Variants in GABRA5 observed in about 807,000 individuals in gnomAD.
GABRA5 encodes gamma-aminobutyric acid type A receptor subunit alpha5, also known as gamma-aminobutyric acid receptor subunit alpha-5.
Under a neutral mutation model 47.3 loss-of-function variants are expected in GABRA5, and 18 were observed. The ratio of observed to expected loss-of-function variants is 0.38; its 90% confidence interval spans 0.26 to 0.56. The LOEUF is 0.56. Among genes scored for constraint, GABRA5 ranks in the 20% least tolerant of loss-of-function variants. The probability of loss-of-function intolerance (pLI) is 0.71; values close to 1 mark genes in which losing one functional copy is unlikely to be tolerated. For missense variants in GABRA5, 365 were observed against 599.3 expected (o/e 0.61, Z 4.08); for synonymous variants, 237 against 229.3 (o/e 1.03, Z -0.30).
intron 8 of GABRA5, chr15:26,939,150 C>T (rs993224730): frequency 2.7e-6 from 2 of 740,332 alleles, no homozygotes; most frequent in African/African-American, 3.4e-5. Flanking sequence ...TCCCATCTCC[C>T]CAAGGTGAGG....
chr15:26,928,119 C>T (rs1311274621), intron 7 of GABRA5, among the ~76,000 whole-genome samples: 11 of 152,136 alleles, frequency 7.2e-5, no homozygotes, highest in Non-Finnish European at 1.6e-4. Flanking sequence ...CATGAGATGA[C>T]ATCTGGATTC....
chr15:26,930,187 A>G (rs1894065177), intron 7 of GABRA5, among the ~76,000 whole-genome samples: 1 of 151,500 alleles, frequency 6.6e-6, no homozygotes, highest in African/African-American at 2.4e-5. Context: ...TAATTTTTGT[A>G]TTTTTAGTAA....
intron 6 of GABRA5, among the ~76,000 whole-genome samples, chr15:26,904,704 G>A (rs757103027): frequency 3.3e-5 from 5 of 152,002 alleles, no homozygotes; most frequent in East Asian, 1.9e-4. Flanking sequence ...GTATTCCTAG[G>A]TATTTCATTC....
intron 6 of GABRA5, among the ~76,000 whole-genome samples, chr15:26,884,537 A>G (rs1466195758): frequency 6.6e-6 from 1 of 152,140 alleles, no homozygotes; most frequent in Non-Finnish European, 1.5e-5. Context: ...TTGCATAGGT[A>G]CTGGAATTTC....
At chr15:26,887,761 A>T (rs773893766) in intron 6 of GABRA5, among the ~76,000 whole-genome samples, 5 of 152,118 alleles carry the variant, frequency 3.3e-5, no homozygotes, top group East Asian at 1.9e-4. Flanking sequence ...AAATATATAT[A>T]TTTTTAAATT....
chr15:26,880,605 T>C (rs1025793465), intron 3 of GABRA5: 2 of 374,780 alleles, frequency 5.3e-6, no homozygotes, highest in Admixed American at 8.4e-5. Context: ...AATCACAGAA[T>C]GATAGACTTT....
At chr15:26,889,916 T>G (rs1357745057) in intron 6 of GABRA5, among the ~76,000 whole-genome samples, 4 of 152,234 alleles carry the variant, frequency 2.6e-5, no homozygotes, top group Non-Finnish European at 5.9e-5. Flanking sequence ...TCTGTGTGTA[T>G]GCACACATAG....
chr15:26,935,349 G>A (rs535863264), intron 7 of GABRA5, among the ~76,000 whole-genome samples: 1 of 152,344 alleles, frequency 6.6e-6, no homozygotes, highest in East Asian at 1.9e-4. Context: ...AGTGATTCTA[G>A]GTATCTTTCA....
rs370166525 is a variant in GABRA5, at chr15:26,939,369, C to T, written c.725-556C>T. The T allele has an allele frequency of 9.7e-5, 74 of 765,280 alleles. No homozygotes were observed. The African/African-American group carries it at 1.1e-3, about 11-fold the overall frequency. 47.4% of individuals were successfully genotyped at this position (765,280 alleles called of 1,614,324 possible). A position where few individuals can be genotyped will look rare whatever the true frequency, so the allele number is the denominator to read the frequency against. Reference sequence around the variant, plus strand: ...AATGCCCCCGATTTCAAAGAACAGGCGACACCTCTCTGGTAGGTGGCAGAA... The same window carrying T: ...AATGCCCCCGATTTCAAAGAACAGGTGACACCTCTCTGGTAGGTGGCAGAA... On this transcript the variant is annotated intron_variant, in intron 8 of 10. Transcript: ENST00000335625.
chr15:26,935,540 G>C (rs1289303529), intron 7 of GABRA5, among the ~76,000 whole-genome samples: 2 of 152,196 alleles, frequency 1.3e-5, no homozygotes, highest in Admixed American at 6.5e-5. Context: ...GCTCAGGCAC[G>C]TGCCCCTGGT....
At chr15:26,923,078 T>C (rs193128110) in intron 7 of GABRA5, among the ~76,000 whole-genome samples, 1 of 152,354 alleles carries the variant, frequency 6.6e-6, no homozygotes, top group East Asian at 1.9e-4. Flanking sequence ...TACATACATC[T>C]TGAACCACAT....
intron 6 of GABRA5, among the ~76,000 whole-genome samples, chr15:26,912,924 T>C (rs1456538740): frequency 6.6e-6 from 1 of 152,204 alleles, no homozygotes; most frequent in Non-Finnish European, 1.5e-5. Context: ...GGCTCACGCC[T>C]GTAATCCCAG....
At chr15:26,899,103 T>C (rs148479262) in intron 6 of GABRA5, among the ~76,000 whole-genome samples, 2 of 152,324 alleles carry the variant, frequency 1.3e-5, no homozygotes, top group East Asian at 3.9e-4. Flanking sequence ...TTTCAAGCAA[T>C]TCTCCTGCCT....
At chr15:26,899,891 T>C (rs1893286245) in intron 6 of GABRA5, among the ~76,000 whole-genome samples, 1 of 152,182 alleles carries the variant, frequency 6.6e-6, no homozygotes, top group Non-Finnish European at 1.5e-5. Context: ...ACATTTAATA[T>C]AATTGCTGAA....
chr15:26,869,929 A>G (rs1488271273), intron 3 of GABRA5, among the ~76,000 whole-genome samples: 2 of 152,176 alleles, frequency 1.3e-5, no homozygotes, highest in Non-Finnish European at 2.9e-5. Context: ...CTTTCATTTT[A>G]GCCTTTAGTA....
intron 7 of GABRA5, among the ~76,000 whole-genome samples, chr15:26,916,789 C>G (rs190833693): frequency 1.3e-5 from 2 of 151,902 alleles, no homozygotes; most frequent in East Asian, 3.9e-4. Flanking sequence ...TTTTCATCTC[C>G]TTGGTTAAGT....
At chr15:26,898,744 T>C (rs1246815589) in intron 6 of GABRA5, among the ~76,000 whole-genome samples, 2 of 144,084 alleles carry the variant, frequency 1.4e-5, no homozygotes, top group Non-Finnish European at 3.0e-5. Flanking sequence ...TTTTTTTTTT[T>C]CTAATGTGTA....
At chr15:26,877,784 A>G (rs1892633870) in intron 3 of GABRA5, 1 of 395,582 alleles carries the variant, frequency 2.5e-6, no homozygotes, top group Admixed American at 3.4e-5. Flanking sequence ...ATAAGGAAAT[A>G]ATTCCTATTT....
At chr15:26,871,381 T>A (rs771231887) in intron 3 of GABRA5, among the ~76,000 whole-genome samples, 22 of 152,234 alleles carry the variant, frequency 1.4e-4, no homozygotes, top group Non-Finnish European at 3.1e-4. Flanking sequence ...GTTCTGTAGC[T>A]TGCTGAGGTC....
Sources: gnomAD v4.1 joint callset for allele counts (sites outside exome capture counted in the v4.1 genomes callset) on GRCh38, gnomAD v4.1.1 for gene constraint, MANE v1.5 for transcripts, NCBI Gene and HGNC (gene_info 2026-07-23, HGNC 2026-07-21) for gene names.